CCDC172: variants seen among roughly 807,000 people sequenced by gnomAD.
The protein encoded by CCDC172 is coiled-coil domain-containing protein 172.
Under a neutral mutation model 38.0 loss-of-function variants are expected in CCDC172, and 30 were observed. That is an observed-to-expected ratio of 0.79 (90% CI 0.59 to 1.07). The LOEUF (loss-of-function observed/expected upper bound fraction) is 1.07. Among genes scored for constraint, CCDC172 ranks in the 50% least tolerant of loss-of-function variants. CCDC172 has a pLI of 0.00. For synonymous variants in CCDC172, 78 were observed against 88.3 expected, an observed-to-expected ratio of 0.88 and a Z score of 0.66; for missense variants, 297 against 290.1, an observed-to-expected ratio of 1.02 and a Z score of -0.17.
At chr10:116,366,399 AACTT>A (rs1208609553) in intron 7 of CCDC172, among the ~76,000 whole-genome samples, 3 of 152,138 alleles carry the variant, frequency 2.0e-5, no homozygotes, top group African/African-American at 7.2e-5. Context: ...TTATATAACT[AACTT>A]TAGTTTACAG....
chr10:116,356,992 T>C (rs1230381377), intron 5 of CCDC172, among the ~76,000 whole-genome samples: 1 of 152,184 alleles, frequency 6.6e-6, no homozygotes, highest in East Asian at 1.9e-4. Context: ...ATTAACCGTA[T>C]GCTGCTTAGA....
At chr10:116,370,312 C>T (rs1245128192) in intron 7 of CCDC172, among the ~76,000 whole-genome samples, 1 of 151,806 alleles carries the variant, frequency 6.6e-6, no homozygotes, top group Non-Finnish European at 1.5e-5. Flanking sequence ...TCACTTTGAC[C>T]TTGTACGGTT....
intron 7 of CCDC172, among the ~76,000 whole-genome samples, chr10:116,358,651 A>G (rs1565720591): frequency 2.6e-5 from 4 of 152,176 alleles, no homozygotes; most frequent in Non-Finnish European, 5.9e-5. Context: ...AGAGCTGAAC[A>G]AATGCTTCAT....
chr10:116,365,332 A>G (rs1026230997), intron 7 of CCDC172, among the ~76,000 whole-genome samples: 7 of 152,150 alleles, frequency 4.6e-5, no homozygotes, highest in African/African-American at 1.4e-4. Flanking sequence ...TTTTTAGGTA[A>G]CTAAAAGGGT....
chr10:116,376,176 AC>A (rs1565726177), intron 7 of CCDC172, among the ~76,000 whole-genome samples: 1 of 152,206 alleles, frequency 6.6e-6, no homozygotes, highest in Non-Finnish European at 1.5e-5. Flanking sequence ...GCACATATAC[AC>A]CATGGAATAC....
chr10:116,329,404 G>A (rs1844629767), intron 3 of CCDC172, among the ~76,000 whole-genome samples: 2 of 151,918 alleles, frequency 1.3e-5, no homozygotes, highest in African/African-American at 4.8e-5. Context: ...TGTTTCCTCT[G>A]CTTGAAATGC....
chr10:116,366,921 ATCT>A (rs1453355351), intron 7 of CCDC172, among the ~76,000 whole-genome samples: 1 of 152,144 alleles, frequency 6.6e-6, no homozygotes, highest in Non-Finnish European at 1.5e-5. Context: ...ATGGTTGAGC[ATCT>A]TTTGCATCTG....
chr10:116,373,434 C>CA lies in CCDC172; in HGVS notation c.654-4983dup, dbSNP rs1845210555. Among the ~76,000 whole-genome samples, 2 of 151,942 alleles carry CA rather than the reference C, an allele frequency of 1.3e-5. 1 individual carries two copies. The highest frequency in any genetic ancestry group is 4.1e-4 in the South Asian group (2 of 4,826). On this transcript the variant is annotated intron_variant, in intron 7 of 8. Transcript: ENST00000333254. Reference sequence around the variant, plus strand: ...ACAAAAATATATGATGATGACCGAACAAAAAATGGGAGGGAGAAATTGGAA... The same window carrying CA: ...ACAAAAATATATGATGATGACCGAACAAAAAAATGGGAGGGAGAAATTGGAA...
intron 5 of CCDC172, among the ~76,000 whole-genome samples, chr10:116,355,493 T>C (rs1844985157): frequency 6.6e-6 from 1 of 152,156 alleles, no homozygotes; most frequent in Admixed American, 6.5e-5. Flanking sequence ...CATATCCCTG[T>C]TGTCAAACAA....
At chr10:116,345,104 T>G (rs1425111681) in intron 5 of CCDC172, among the ~76,000 whole-genome samples, 1 of 152,158 alleles carries the variant, frequency 6.6e-6, no homozygotes, top group East Asian at 1.9e-4. Flanking sequence ...ATTTCAAAAT[T>G]TACTCAAATT....
At chr10:116,357,541 G>A (rs1296029726) in intron 6 of CCDC172, 60 bp downstream of exon 6, 3 of 1,279,506 alleles carry the variant, frequency 2.3e-6, no homozygotes, top group South Asian at 1.6e-5. Context: ...TGCATGATAA[G>A]GGCATATTAT....
At chr10:116,364,890 T>C (rs987145503) in intron 7 of CCDC172, among the ~76,000 whole-genome samples, 22 of 152,212 alleles carry the variant, frequency 1.4e-4, no homozygotes, top group African/African-American at 2.7e-4. Flanking sequence ...AAGGGTTTTC[T>C]ATGTCTCTGA....
chr10:116,342,237 A>G, intron 5 of CCDC172, 36 bp downstream of exon 5: 2 of 1,494,254 alleles, frequency 1.3e-6, no homozygotes, highest in African/African-American at 1.5e-5. Context: ...TCTTGCATTA[A>G]TGAAAATAAC....
chr10:116,331,948 A>G (rs549296518), intron 3 of CCDC172, among the ~76,000 whole-genome samples: 1 of 152,148 alleles, frequency 6.6e-6, no homozygotes, highest in African/African-American at 2.4e-5. Flanking sequence ...TCATGGCTCA[A>G]TGGGATATAG....
chr10:116,339,841 G>A (rs1277419295), intron 3 of CCDC172, among the ~76,000 whole-genome samples: 1 of 151,880 alleles, frequency 6.6e-6, no homozygotes, highest in Non-Finnish European at 1.5e-5. Flanking sequence ...CTGGGACAGA[G>A]ATTTCACAAC....
intron 3 of CCDC172, among the ~76,000 whole-genome samples, chr10:116,334,440 A>T (rs2134910347): frequency 6.6e-6 from 1 of 152,322 alleles, no homozygotes; most frequent in Admixed American, 6.5e-5. Context: ...CCACACGGTT[A>T]ACATTTTCAT....
At chr10:116,372,578 C>T (rs1199368769) in intron 7 of CCDC172, among the ~76,000 whole-genome samples, 1 of 152,014 alleles carries the variant, frequency 6.6e-6, no homozygotes, top group African/African-American at 2.4e-5. Flanking sequence ...TTTAGATTTA[C>T]CATAGTGCAT....
chr10:116,372,304 G>A (rs1213536606), intron 7 of CCDC172, among the ~76,000 whole-genome samples: 1 of 151,828 alleles, frequency 6.6e-6, no homozygotes, highest in Non-Finnish European at 1.5e-5. Flanking sequence ...AGGAACTTTG[G>A]CTACTGTCAT....
chr10:116,364,252 T>C (rs1208097184), intron 7 of CCDC172, among the ~76,000 whole-genome samples: 1 of 152,160 alleles, frequency 6.6e-6, no homozygotes, highest in Non-Finnish European at 1.5e-5. Flanking sequence ...CCACTAAATA[T>C]TATTTAGTCT....
Sources: allele counts gnomAD v4.1 joint callset (sites outside exome capture counted in the v4.1 genomes callset), GRCh38; gene constraint gnomAD v4.1.1; transcripts MANE v1.5; gene names NCBI Gene and HGNC (gene_info 2026-07-23, HGNC 2026-07-21).